Variants in FYB1 observed in about 807,000 individuals in gnomAD.
FYB1 encodes FYN-binding protein 1.
FYB1 carries 41 observed loss-of-function variants against 94.1 expected under a neutral mutation model. The observed-to-expected ratio is 0.44, with a 90% CI of 0.34 to 0.57. FYB1 has a LOEUF of 0.57. Ranked by LOEUF, FYB1 falls within the 20% of genes least tolerant of loss-of-function variation. The pLI is 0.02. For missense variants in FYB1, 1,050 were observed against 976.8 expected (o/e 1.07, Z -1.00); for synonymous variants, 367 against 353.2 (o/e 1.04, Z -0.44).
Position 39,202,354 on chromosome 5 carries a change from G to T in FYB1, c.607C>A (p.Pro203Thr). 6.2e-7 allele frequency: 1 copy of T among 1,613,952 alleles called. No individual in the cohort carries two copies. The highest frequency in any genetic ancestry group is 8.5e-7 in the Non-Finnish European group (1 of 1,179,890). ...FPKPAFGQKP[P>T]LSTENSHEDE... ...TCATGGGAGTTCTCGGTACTTAGGG[G>T]CGGCTTCTGGCCAAAGGCGGGTTTG... Residue 203 changes from proline (P) to threonine (T), a missense_variant, in exon 2 of 19, where the codon CCC becomes ACC. Pro to Thr is a conservative substitution (Grantham distance 38, BLOSUM62 -1). Coordinates refer to ENST00000512982, the MANE Select transcript of FYB1 (RefSeq NM_001465.6).
chr5:39,151,102 A>G (rs1743209739), intron 3 of FYB1, among the ~76,000 whole-genome samples: 1 of 152,050 alleles, frequency 6.6e-6, no homozygotes, highest in Admixed American at 6.6e-5. Flanking sequence ...CTTCCTTTGA[A>G]TCTTTGCTCA....
At chr5:39,176,844 T>C (rs115969379) in intron 2 of FYB1, among the ~76,000 whole-genome samples, 1 of 152,218 alleles carries the variant, frequency 6.6e-6, no homozygotes, top group Admixed American at 6.5e-5. Flanking sequence ...CCCATTTTAA[T>C]TGAGATGGTG....
At chr5:39,234,616 A>G (rs1750879664) in intron 1 of FYB1, among the ~76,000 whole-genome samples, 1 of 152,206 alleles carries the variant, frequency 6.6e-6, no homozygotes, top group African/African-American at 2.4e-5. Context: ...AGCACTATTT[A>G]CAATAGCAAA....
At chr5:39,126,999 G>A (rs565626190) in intron 11 of FYB1, among the ~76,000 whole-genome samples, 6 of 148,714 alleles carry the variant, frequency 4.0e-5, no homozygotes, top group Non-Finnish European at 7.4e-5. Flanking sequence ...CAGAGATTGC[G>A]GTGAGCCGAG....
At chr5:39,224,902 T>C (rs934711670) in intron 1 of FYB1, among the ~76,000 whole-genome samples, 1 of 152,196 alleles carries the variant, frequency 6.6e-6, no homozygotes, top group Non-Finnish European at 1.5e-5. Context: ...ATCAGAGATT[T>C]TTCCACCTCC....
intron 2 of FYB1, among the ~76,000 whole-genome samples, chr5:39,197,732 G>C (rs1747957722): frequency 6.6e-6 from 1 of 152,230 alleles, no homozygotes; most frequent in Non-Finnish European, 1.5e-5. Context: ...GCCTTCGCTT[G>C]GCTTCAGCCA....
At chr5:39,152,818 T>A (rs1428008156) in intron 3 of FYB1, among the ~76,000 whole-genome samples, 1 of 152,234 alleles carries the variant, frequency 6.6e-6, no homozygotes, top group Admixed American at 6.5e-5. Context: ...TTCTGATGGA[T>A]GAGAGAAAAT....
At chr5:39,117,744 AC>A (rs1259518477) in intron 16 of FYB1, among the ~76,000 whole-genome samples, 1 of 152,118 alleles carries the variant, frequency 6.6e-6, no homozygotes, top group Non-Finnish European at 1.5e-5. Flanking sequence ...ATGCAGATTG[AC>A]CAAGCTGATA....
At chr5:39,127,473 A>G (rs896696969) in intron 11 of FYB1, among the ~76,000 whole-genome samples, 20 of 149,486 alleles carry the variant, frequency 1.3e-4, no homozygotes, top group Non-Finnish European at 3.0e-4. Context: ...AAAAAAAAAA[A>G]TACACAACAC....
At chr5:39,230,981 CTTTCTA>C (rs1014688187) in intron 1 of FYB1, among the ~76,000 whole-genome samples, 1 of 151,586 alleles carries the variant, frequency 6.6e-6, no homozygotes. Context: ...GTGCAAATAT[CTTTCTA>C]TTTAAAAAGG....
chr5:39,234,729 C>T (rs1328086286), intron 1 of FYB1, among the ~76,000 whole-genome samples: 3 of 152,114 alleles, frequency 2.0e-5, no homozygotes, highest in African/African-American at 7.2e-5. Context: ...AGGATGAGTT[C>T]ATGTCCTTTG....
chr5:39,141,874 A>G (rs764611266), intron 3 of FYB1, among the ~76,000 whole-genome samples: 2 of 122,026 alleles, frequency 1.6e-5, no homozygotes, highest in Non-Finnish European at 3.1e-5. Flanking sequence ...TCTGTCTCAG[A>G]AAAAAAAAAA....
intron 1 of FYB1, among the ~76,000 whole-genome samples, chr5:39,224,775 G>A (rs746702556): frequency 9.9e-5 from 15 of 150,946 alleles, no homozygotes; most frequent in Admixed American, 3.9e-4. Context: ...CCTATTTAAT[G>A]TGTAAAAAGT....
rs373802950 is a variant in FYB1 at position 39,202,372 on chromosome 5, C to T, written c.589G>A (p.Ala197Thr). ...CTTAGGGGCGGCTTCTGGCCAAAGG[C>T]GGGTTTGGGGAAGAGGGGCTTGGGT... is the stretch of plus-strand genomic sequence containing the variant. ...LEPKPLFPKP[A>T]FGQKPPLSTE... Residue 197 changes from alanine (A) to threonine (T), a missense_variant, in exon 2 of 19, where the codon GCC becomes ACC. Coordinates refer to ENST00000512982, the MANE Select transcript of FYB1 (RefSeq NM_001465.6). 9.9e-6 allele frequency: 16 copies of T among 1,613,822 alleles called. No homozygotes were observed. Among genetic ancestry groups the T allele is most frequent in the African/African-American group, 5.3e-5 (4 of 74,980 alleles).
intron 1 of FYB1, among the ~76,000 whole-genome samples, chr5:39,272,291 G>A (rs1400989918): frequency 1.3e-5 from 2 of 152,146 alleles, no homozygotes; most frequent in Non-Finnish European, 2.9e-5. Flanking sequence ...GGCCAGCCTT[G>A]TGGGTAGAAA....
intron 1 of FYB1, among the ~76,000 whole-genome samples, chr5:39,204,660 C>T (rs1019898133): frequency 1.3e-5 from 2 of 152,084 alleles, no homozygotes; most frequent in African/African-American, 4.8e-5. Context: ...CTGGCTCCCT[C>T]AGGATTCTAA....
At chr5:39,195,769 G>C (rs1747775939) in intron 2 of FYB1, among the ~76,000 whole-genome samples, 1 of 152,188 alleles carries the variant, frequency 6.6e-6, no homozygotes, top group African/African-American at 2.4e-5. Context: ...TCAGGCCAGG[G>C]ATTCTTATGA....
chr5:39,239,416 T>C (rs1316793294), intron 1 of FYB1, among the ~76,000 whole-genome samples: 3 of 152,134 alleles, frequency 2.0e-5, no homozygotes, highest in Admixed American at 1.3e-4. Flanking sequence ...GAAAACCCTA[T>C]AGTCTCTGAC....
At chr5:39,143,922 C>G (rs1482607004) in intron 3 of FYB1, among the ~76,000 whole-genome samples, 1 of 152,136 alleles carries the variant, frequency 6.6e-6, no homozygotes. Flanking sequence ...TTAATTAACT[C>G]ATTAAATTTG....
Sources: allele counts gnomAD v4.1 joint callset (sites outside exome capture counted in the v4.1 genomes callset), GRCh38; gene constraint gnomAD v4.1.1; transcripts MANE v1.5; gene names NCBI Gene and HGNC (gene_info 2026-07-23, HGNC 2026-07-21).